The following TNKS variants were observed in gnomAD, a reference collection of about 807,000 sequenced individuals.
TNKS encodes the protein tankyrase.
Under a neutral mutation model 135.8 loss-of-function variants are expected in TNKS, and 72 were observed. That is an observed-to-expected ratio of 0.53 (90% CI 0.44 to 0.64). The LOEUF is 0.64. TNKS is among the 30% of genes least tolerant of loss of function. The pLI is 0.00. For missense variants in TNKS, 1,769 were observed against 1,674.0 expected (o/e 1.06, Z -0.99); for synonymous variants, 849 against 649.3 (o/e 1.31, Z -4.68).
At chr8:9,557,345 A>G (rs1048240499) in intron 1 of TNKS, 1 of 151,896 alleles carries the variant, frequency 6.6e-6, no homozygotes, top group Non-Finnish European at 1.5e-5. Context: ...TATCTGGCAC[A>G]AAGTTCTCCC....
chr8:9,697,943 A>G (rs1585342071), intron 5 of TNKS, among the ~76,000 whole-genome samples: 1 of 152,340 alleles, frequency 6.6e-6, no homozygotes, highest in Admixed American at 6.5e-5. Flanking sequence ...AAAAAGATAC[A>G]TGAAGTTGTA....
At chr8:9,727,901 G>A (rs186556943) in intron 13 of TNKS, among the ~76,000 whole-genome samples, 1 of 152,188 alleles carries the variant, frequency 6.6e-6, no homozygotes, top group East Asian at 1.9e-4. Context: ...TTTTTATGTT[G>A]TCTTAAATCT....
intron 2 of TNKS, among the ~76,000 whole-genome samples, chr8:9,584,027 G>C (rs1024464246): frequency 7.9e-5 from 12 of 151,680 alleles, no homozygotes; most frequent in African/African-American, 2.7e-4. Flanking sequence ...AGCCGGGCGT[G>C]GTGGTGGGCG....
At chr8:9,607,239 AAT>A (rs1563112644) in intron 2 of TNKS, among the ~76,000 whole-genome samples, 1 of 152,206 alleles carries the variant, frequency 6.6e-6, no homozygotes, top group African/African-American at 2.4e-5. Flanking sequence ...CTAAGAGTGG[AAT>A]CATTTTACAT....
intron 3 of TNKS, among the ~76,000 whole-genome samples, chr8:9,636,758 C>G (rs1301524924): frequency 2.0e-5 from 3 of 152,166 alleles, no homozygotes; most frequent in African/African-American, 7.2e-5. Flanking sequence ...TTTCACTTCA[C>G]TCTTTGAGAA....
chr8:9,760,515 A>T lies in TNKS; in HGVS notation c.3154-1001A>T, dbSNP rs576302873. Among the ~76,000 whole-genome samples the T allele has an allele frequency of 1.7e-4, 26 of 152,146 alleles. 1 individual carries two copies. The East Asian group carries it at 4.8e-3, about 28-fold the overall frequency. ...AAAAAGCGATCTTGTTTGAGTTGGA[A>T]ACTGCATGTCTATAAAAGGATTTCT... On this transcript the variant is annotated intron_variant, in intron 20 of 26. Transcript: ENST00000310430.
chr8:9,575,044 C>T (rs1585184828), intron 1 of TNKS: 1 of 985,360 alleles, frequency 1.0e-6, no homozygotes. Context: ...CCTGGATTGC[C>T]TTTGTCTTGA....
chr8:9,665,547 G>C (rs961740281), intron 3 of TNKS, among the ~76,000 whole-genome samples: 14 of 152,120 alleles, frequency 9.2e-5, no homozygotes, highest in Admixed American at 6.5e-4. Context: ...ATTTCTTATG[G>C]TAAAGTTGTG....
intron 2 of TNKS, among the ~76,000 whole-genome samples, chr8:9,583,710 A>G (rs1247825550): frequency 6.6e-6 from 1 of 151,884 alleles, no homozygotes; most frequent in Non-Finnish European, 1.5e-5. Flanking sequence ...GATGCTCTCG[A>G]TCTCTTGACC....
chr8:9,638,860 G>A (rs1800619421), intron 3 of TNKS, among the ~76,000 whole-genome samples: 1 of 152,144 alleles, frequency 6.6e-6, no homozygotes, highest in South Asian at 2.1e-4. Context: ...GGAGAACTGA[G>A]TGTATATCTA....
chr8:9,698,926 T>C (rs541285347), intron 5 of TNKS, among the ~76,000 whole-genome samples: 5 of 152,362 alleles, frequency 3.3e-5, no homozygotes, highest in Admixed American at 1.3e-4. Flanking sequence ...TTTTATGATA[T>C]GAAGATATCA....
intron 2 of TNKS, among the ~76,000 whole-genome samples, chr8:9,603,064 T>G (rs1799077118): frequency 6.6e-6 from 1 of 152,196 alleles, no homozygotes; most frequent in Non-Finnish European, 1.5e-5. Flanking sequence ...TATGACTTTT[T>G]TTTTTTGAGA....
At chr8:9,613,172 C>G (rs1021750225) in intron 2 of TNKS, among the ~76,000 whole-genome samples, 1 of 152,076 alleles carries the variant, frequency 6.6e-6, no homozygotes, top group Non-Finnish European at 1.5e-5. Flanking sequence ...CCAAATAGTC[C>G]GTAAAGACTA....
intron 17 of TNKS, among the ~76,000 whole-genome samples, chr8:9,740,519 G>A (rs937538299): frequency 3.3e-5 from 5 of 152,176 alleles, no homozygotes; most frequent in African/African-American, 1.2e-4. Flanking sequence ...ACAAATCTGA[G>A]TGAGGATACT....
chr8:9,667,069 A>G (rs1220068033), intron 3 of TNKS, among the ~76,000 whole-genome samples: 1 of 152,174 alleles, frequency 6.6e-6, no homozygotes, highest in Middle Eastern at 3.2e-3. Context: ...ACAAAGTGAT[A>G]ATTTTTATAT....
rs1454492300 is a variant in TNKS at position 9,717,101 on chromosome 8, A to ATATATATATATATATATATATT, written c.1750-3272_1750-3271insATATATATATATATATATATTT. On this transcript the variant is annotated intron_variant, in intron 11 of 26. Transcript: ENST00000310430. The stretch of plus-strand genomic sequence containing the variant: ...TATATATATATATATATATATATAT[A>ATATATATATATATATATATATT]TTTTCAGGGAATTTGATTGTTTCTT... Among the ~76,000 whole-genome samples, 82 of 119,286 alleles carry ATATATATATATATATATATATT rather than the reference A, an allele frequency of 6.9e-4. 1 individual carries two copies. The highest frequency in any genetic ancestry group is 9.4e-4 in the Admixed American group (11 of 11,646). The allele number at this position is 119,286 out of a possible 152,430, so 78.3% of individuals were successfully genotyped here.
intron 20 of TNKS, among the ~76,000 whole-genome samples, chr8:9,759,554 G>A (rs927881379): frequency 6.6e-6 from 1 of 152,114 alleles, no homozygotes; most frequent in Non-Finnish European, 1.5e-5. Flanking sequence ...TTTATGATTA[G>A]AGCTATAAAA....
chr8:9,616,235 T>C (rs2128765682), intron 3 of TNKS, among the ~76,000 whole-genome samples: 1 of 152,290 alleles, frequency 6.6e-6, no homozygotes, highest in Non-Finnish European at 1.5e-5. Context: ...GGCTTAAATA[T>C]TAGTTTTATT....
chr8:9,639,189 A>G (rs577856917), intron 3 of TNKS, among the ~76,000 whole-genome samples: 3 of 152,316 alleles, frequency 2.0e-5, no homozygotes, highest in African/African-American at 4.8e-5. Context: ...AAATAACAGT[A>G]CTACCTTGTA....
Sources: gnomAD v4.1 joint callset for allele counts (sites outside exome capture counted in the v4.1 genomes callset) on GRCh38, gnomAD v4.1.1 for gene constraint, MANE v1.5 for transcripts, NCBI Gene and HGNC (gene_info 2026-07-23, HGNC 2026-07-21) for gene names.